The following PTPRT variants were observed in gnomAD, a reference collection of about 807,000 sequenced individuals.
PTPRT encodes the protein receptor-type tyrosine-protein phosphatase T.
In PTPRT, 56 loss-of-function variants were observed where a neutral mutation model predicts 176.8. That is an observed-to-expected ratio of 0.32 (90% CI 0.26 to 0.40). The LOEUF is 0.40. Ranked by LOEUF, PTPRT falls within the 10% of genes least tolerant of loss-of-function variation. The pLI is 1.00. For synonymous variants in PTPRT, 783 were observed against 739.0 expected (o/e 1.06, Z -0.96); for missense variants, 1,540 against 1,908.2 (o/e 0.81, Z 3.60).
At chr20:42,191,404 T>C (rs1044480466) in intron 16 of PTPRT, among the ~76,000 whole-genome samples, 9 of 152,194 alleles carry the variant, frequency 5.9e-5, no homozygotes, top group Non-Finnish European at 1.3e-4. Context: ...AGGTTTAGGA[T>C]CAGAGTGAGG....
intron 7 of PTPRT, among the ~76,000 whole-genome samples, chr20:42,476,617 A>G (rs899476778): frequency 6.6e-6 from 1 of 152,214 alleles, no homozygotes; most frequent in Non-Finnish European, 1.5e-5. Flanking sequence ...TCAGAGATTC[A>G]AGGAAATCTC....
intron 7 of PTPRT, among the ~76,000 whole-genome samples, chr20:42,612,611 C>A (rs2145828468): frequency 6.6e-6 from 1 of 152,270 alleles, no homozygotes; most frequent in South Asian, 2.1e-4. Context: ...TCAAAAAAGT[C>A]TCCTAGAGGG....
At chr20:42,590,903 G>T (rs1211942553) in intron 7 of PTPRT, among the ~76,000 whole-genome samples, 1 of 150,366 alleles carries the variant, frequency 6.7e-6, no homozygotes, top group African/African-American at 2.5e-5. Context: ...TGCAGAAATA[G>T]ATCTAAATGT....
chr20:42,891,800 G>A (rs2079197339), intron 1 of PTPRT, among the ~76,000 whole-genome samples: 1 of 152,306 alleles, frequency 6.6e-6, no homozygotes, highest in South Asian at 2.1e-4. Flanking sequence ...CTATGTAGGT[G>A]TATGTGTATA....
intron 4 of PTPRT, among the ~76,000 whole-genome samples, chr20:42,777,911 T>C (rs8119733): frequency 0.51 from 77,351 of 152,108 alleles, 21,342 homozygotes; most frequent in Non-Finnish European, 0.63. Context: ...CACATCATGC[T>C]TTCTGGGAAG....
At chr20:42,982,002 A>T (rs1400977958) in intron 1 of PTPRT, among the ~76,000 whole-genome samples, 1 of 152,196 alleles carries the variant, frequency 6.6e-6, no homozygotes, top group African/African-American at 2.4e-5. Flanking sequence ...AAGAAGACAT[A>T]GGTGGGAAGA....
chr20:42,459,768 G>A (rs1320204619), intron 8 of PTPRT, among the ~76,000 whole-genome samples: 2 of 152,098 alleles, frequency 1.3e-5, no homozygotes, highest in Non-Finnish European at 2.9e-5. Context: ...ATGGCTCACT[G>A]CAGCCTTGAC....
chr20:42,234,497 T>C (rs2056199648), intron 15 of PTPRT, among the ~76,000 whole-genome samples: 1 of 152,228 alleles, frequency 6.6e-6, no homozygotes, highest in Non-Finnish European at 1.5e-5. Flanking sequence ...ATCAGAATTT[T>C]AATTTTTTCA....
chr20:42,595,808 C>T (rs2073660804), intron 7 of PTPRT, among the ~76,000 whole-genome samples: 1 of 152,142 alleles, frequency 6.6e-6, no homozygotes, highest in Non-Finnish European at 1.5e-5. Context: ...GTTGCAAGGA[C>T]AAACACTTCT....
intron 9 of PTPRT, among the ~76,000 whole-genome samples, chr20:42,356,640 G>T (rs931542467): frequency 6.6e-6 from 1 of 152,176 alleles, no homozygotes; most frequent in Non-Finnish European, 1.5e-5. Flanking sequence ...AGGTAGCAGT[G>T]AGCAGAGATG....
intron 7 of PTPRT, among the ~76,000 whole-genome samples, chr20:42,621,931 G>T (rs1359863904): frequency 6.6e-6 from 1 of 151,998 alleles, no homozygotes; most frequent in Non-Finnish European, 1.5e-5. Flanking sequence ...GACCCCTTTG[G>T]CAGGGTTAAG....
chr20:42,847,796 A>G, intron 2 of PTPRT, among the ~76,000 whole-genome samples: 1 of 152,198 alleles, frequency 6.6e-6, no homozygotes, highest in East Asian at 1.9e-4. Flanking sequence ...ACAGGGCAAG[A>G]GGCAGTGATG....
intron 15 of PTPRT, among the ~76,000 whole-genome samples, chr20:42,211,385 G>A (rs1397777018): frequency 1.4e-4 from 21 of 150,588 alleles, no homozygotes; most frequent in Non-Finnish European, 2.1e-4. Context: ...GAAAATTTTC[G>A]CAACCTACTC....
At chr20:42,457,226 A>G (rs1274168681) in intron 8 of PTPRT, among the ~76,000 whole-genome samples, 1 of 152,186 alleles carries the variant, frequency 6.6e-6, no homozygotes, top group Non-Finnish European at 1.5e-5. Flanking sequence ...CCTAAATACA[A>G]TAGAGTTTAT....
chr20:42,862,010 A>G (rs796675754), intron 2 of PTPRT, among the ~76,000 whole-genome samples: 2 of 151,490 alleles, frequency 1.3e-5, no homozygotes, highest in African/African-American at 4.8e-5. Context: ...TAAATTTTCT[A>G]CCTGCCATAT....
chr20:42,595,731 C>A (rs1013700076), intron 7 of PTPRT, among the ~76,000 whole-genome samples: 7 of 152,172 alleles, frequency 4.6e-5, no homozygotes, highest in African/African-American at 1.7e-4. Flanking sequence ...AGGAACAGAG[C>A]AGGCTGCCTT....
At chr20:42,889,030 G>A (rs1339065303) in intron 1 of PTPRT, among the ~76,000 whole-genome samples, 1 of 152,130 alleles carries the variant, frequency 6.6e-6, no homozygotes, top group East Asian at 1.9e-4. Context: ...ACAGATCCCA[G>A]GCAAGGTCAC....
chr20:42,338,577 T>C (rs985757), intron 11 of PTPRT, among the ~76,000 whole-genome samples: 7,217 of 152,236 alleles, frequency 0.047, 570 homozygotes, highest in African/African-American at 0.17. Flanking sequence ...CTGAGAGCCG[T>C]GGGAAGCAGA....
intron 9 of PTPRT, among the ~76,000 whole-genome samples, chr20:42,365,124 C>A (rs1486883633): frequency 1.3e-5 from 2 of 152,144 alleles, no homozygotes; most frequent in African/African-American, 4.8e-5. Flanking sequence ...GCTATTATTC[C>A]AACATGTATT....
Sources: gnomAD v4.1 joint callset for allele counts (sites outside exome capture counted in the v4.1 genomes callset) on GRCh38, gnomAD v4.1.1 for gene constraint, MANE v1.5 for transcripts, NCBI Gene and HGNC (gene_info 2026-07-23, HGNC 2026-07-21) for gene names.